Variants in TNR observed in about 807,000 individuals in gnomAD.
TNR encodes the protein tenascin-R.
A neutral mutation model predicts 150.4 loss-of-function variants in TNR; 45 were observed. The observed-to-expected ratio is 0.30, with a 90% CI of 0.24 to 0.38. TNR has a LOEUF of 0.38. TNR is among the 10% of genes least tolerant of loss of function. The probability of loss-of-function intolerance (pLI) is 1.00; values close to 1 mark genes in which losing one functional copy is unlikely to be tolerated. For synonymous variants in TNR, 687 were observed against 678.4 expected, an observed-to-expected ratio of 1.01 and a Z score of -0.20; for missense variants, 1,544 against 1,759.1, an observed-to-expected ratio of 0.88 and a Z score of 2.19.
chr1:175,424,073 G>T (rs1056107374), intron 2 of TNR, among the ~76,000 whole-genome samples: 3 of 152,158 alleles, frequency 2.0e-5, no homozygotes, highest in Non-Finnish European at 4.4e-5. Flanking sequence ...CAGAAAGATT[G>T]TATTTTTAAT....
intron 2 of TNR, among the ~76,000 whole-genome samples, chr1:175,455,399 C>G (rs1309587945): frequency 6.6e-6 from 1 of 152,176 alleles, no homozygotes; most frequent in Non-Finnish European, 1.5e-5. Context: ...AAACGAAAAA[C>G]CTTACAAAGC....
chr1:175,458,304 C>G (rs1656656033), intron 2 of TNR, among the ~76,000 whole-genome samples: 1 of 152,076 alleles, frequency 6.6e-6, no homozygotes, highest in African/African-American at 2.4e-5. Context: ...AATAATAGCA[C>G]CATAGATTTA....
chr1:175,481,796 G>A (rs1229723590), intron 2 of TNR, among the ~76,000 whole-genome samples: 2 of 152,126 alleles, frequency 1.3e-5, no homozygotes, highest in Non-Finnish European at 2.9e-5. Flanking sequence ...TCCTGAATAG[G>A]AACTTGGGAA....
chr1:175,525,781 A>G (rs1350149044), intron 2 of TNR, among the ~76,000 whole-genome samples: 4 of 152,210 alleles, frequency 2.6e-5, no homozygotes, highest in Admixed American at 2.0e-4. Flanking sequence ...AAGAGCAGCT[A>G]CATTTGTTAA....
intron 1 of TNR, among the ~76,000 whole-genome samples, chr1:175,639,897 C>A (rs1313765195): frequency 6.6e-6 from 1 of 152,206 alleles, no homozygotes; most frequent in African/African-American, 2.4e-5. Context: ...CCTTCCGTAA[C>A]CATTGAACTC....
chr1:175,431,329 T>C (rs1367668168), intron 2 of TNR, among the ~76,000 whole-genome samples: 2 of 152,366 alleles, frequency 1.3e-5, no homozygotes, highest in East Asian at 3.9e-4. Context: ...AGACATGTTC[T>C]CATGTATTTA....
At chr1:175,679,902 A>G (rs977389139) in intron 1 of TNR, among the ~76,000 whole-genome samples, 1 of 152,178 alleles carries the variant, frequency 6.6e-6, no homozygotes, top group Non-Finnish European at 1.5e-5. Context: ...ATTCATGGTC[A>G]CTGCCAGCCT....
At chr1:175,341,449 G>T (rs1325674958) in intron 18 of TNR, among the ~76,000 whole-genome samples, 1 of 152,202 alleles carries the variant, frequency 6.6e-6, no homozygotes, top group Non-Finnish European at 1.5e-5. Context: ...GTTTCTAGAT[G>T]TAATTGTGAG....
At chr1:175,499,241 A>G (rs1386745913) in intron 2 of TNR, among the ~76,000 whole-genome samples, 5 of 152,224 alleles carry the variant, frequency 3.3e-5, no homozygotes, top group African/African-American at 7.2e-5. Context: ...TTCTTCTCCA[A>G]TTAAAAATTA....
chr1:175,553,246 A>G (rs1288619395), intron 1 of TNR, among the ~76,000 whole-genome samples: 2 of 152,174 alleles, frequency 1.3e-5, no homozygotes, highest in African/African-American at 2.4e-5. Context: ...GTCCACCCTC[A>G]ATGGCTGCTG....
intron 1 of TNR, among the ~76,000 whole-genome samples, chr1:175,673,327 T>A (rs1008390373): frequency 6.6e-6 from 1 of 152,216 alleles, no homozygotes; most frequent in Non-Finnish European, 1.5e-5. Flanking sequence ...AGAATTAGCA[T>A]GGCTGCAAGC....
At chr1:175,366,263 C>T in intron 10 of TNR, 125 bp from the exon 11 acceptor site, 3 of 1,053,790 alleles carry the variant, frequency 2.8e-6, no homozygotes, top group Non-Finnish European at 2.7e-6. Flanking sequence ...CTTGTCATTG[C>T]TGACACTTAT....
intron 8 of TNR, among the ~76,000 whole-genome samples, chr1:175,384,434 C>G (rs963745398): frequency 1.3e-5 from 2 of 152,246 alleles, no homozygotes; most frequent in East Asian, 3.8e-4. Flanking sequence ...TGGGCACCCC[C>G]TGGGTGACAG....
At chr1:175,736,546 T>C (rs768056339) in intron 1 of TNR, among the ~76,000 whole-genome samples, 2 of 151,688 alleles carry the variant, frequency 1.3e-5, no homozygotes, top group African/African-American at 2.4e-5. Context: ...TGATGATCTC[T>C]ATAGGCTTTT....
At chr1:175,568,948 C>G (rs973999136) in intron 1 of TNR, among the ~76,000 whole-genome samples, 1 of 151,998 alleles carries the variant, frequency 6.6e-6, no homozygotes, top group Non-Finnish European at 1.5e-5. Context: ...CTTGCCCTGT[C>G]CACTTTTTTT....
intron 1 of TNR, among the ~76,000 whole-genome samples, chr1:175,713,334 C>T (rs892586279): frequency 7.2e-5 from 11 of 152,324 alleles, no homozygotes; most frequent in Admixed American, 3.3e-4. Flanking sequence ...CCATAAACAA[C>T]ACTCTTGCCC....
intron 2 of TNR, among the ~76,000 whole-genome samples, chr1:175,518,693 A>G (rs1447800925): frequency 6.6e-6 from 1 of 152,110 alleles, no homozygotes; most frequent in African/African-American, 2.4e-5. Context: ...TCACCTCATT[A>G]TAACTCCATT....
At chr1:175,344,129 C>T (rs916710776) in intron 18 of TNR, among the ~76,000 whole-genome samples, 2 of 152,218 alleles carry the variant, frequency 1.3e-5, no homozygotes, top group Non-Finnish European at 2.9e-5. Flanking sequence ...CTTTTGAGAT[C>T]TCTATCGGCT....
intron 1 of TNR, among the ~76,000 whole-genome samples, chr1:175,701,301 A>C (rs1439144359): frequency 6.6e-6 from 1 of 152,102 alleles, no homozygotes; most frequent in African/African-American, 2.4e-5. Flanking sequence ...GATCTCACAG[A>C]TCCACTTGCC....
Sources: allele counts gnomAD v4.1 joint callset (sites outside exome capture counted in the v4.1 genomes callset), GRCh38; gene constraint gnomAD v4.1.1; transcripts MANE v1.5; gene names NCBI Gene and HGNC (gene_info 2026-07-23, HGNC 2026-07-21).